The following PRMT7 variants were observed in gnomAD, a reference collection of about 807,000 sequenced individuals.
PRMT7 encodes protein arginine methyltransferase 7, also known as protein arginine N-methyltransferase 7.
A neutral mutation model predicts 85.4 loss-of-function variants in PRMT7; 75 were observed. That is an observed-to-expected ratio of 0.88 (90% CI 0.73 to 1.06). The LOEUF (loss-of-function observed/expected upper bound fraction) is 1.06, where lower values mean the gene tolerates loss of function less well. Among genes scored for constraint, PRMT7 ranks in the 50% least tolerant of loss-of-function variants. The pLI, the probability that PRMT7 is intolerant of heterozygous loss-of-function variation, is 0.00. For synonymous variants in PRMT7, 397 were observed against 359.5 expected, an observed-to-expected ratio of 1.10 and a Z score of -1.18; for missense variants, 868 against 915.2, an observed-to-expected ratio of 0.95 and a Z score of 0.67.
chr16:68,317,846 A>ATG (rs1435924599), intron 3 of PRMT7, among the ~76,000 whole-genome samples: 65 of 55,078 alleles, frequency 1.2e-3, no homozygotes, highest in Non-Finnish European at 1.8e-4. Context: ...AAAAAAAAAG[A>ATG]AAAAAAACCA....
At chr16:68,339,723 A>C in intron 8 of PRMT7, 65 bp from the exon 9 acceptor site, 2 of 1,578,914 alleles carry the variant, frequency 1.3e-6, no homozygotes, top group Non-Finnish European at 1.7e-6. Flanking sequence ...AAGTCACTGT[A>C]AAAGCTTAAA....
chr16:68,351,781 C>CA (rs2087406349), intron 14 of PRMT7: 1 of 154,332 alleles, frequency 6.5e-6, no homozygotes, highest in Non-Finnish European at 1.4e-5. Context: ...TTGTGGTGCT[C>CA]AGAGCCTGGG....
rs2085916935 is a variant in PRMT7 at position 68,343,882 on chromosome 16, T to C, written c.928-1793T>C. Among the ~76,000 whole-genome samples the C allele has an allele frequency of 2.0e-5, 3 of 152,344 alleles. No homozygotes were observed. In the South Asian group the frequency reaches 6.2e-4, roughly 32 times the overall value. On this transcript the variant is annotated intron_variant, in intron 9 of 18. Coordinates refer to ENST00000441236, the MANE Select transcript of PRMT7 (RefSeq NM_019023.5). ...TGGGCACATTCCTTACCTGTGCTCT[T>C]GGAGTCCCACAGGGCCAAGTTTTTC...
At chr16:68,313,125 T>C (rs1394186552) in intron 2 of PRMT7, among the ~76,000 whole-genome samples, 1 of 152,186 alleles carries the variant, frequency 6.6e-6, no homozygotes, top group Non-Finnish European at 1.5e-5. Context: ...GTGCCTGGGC[T>C]GTTCCAGGTT....
chr16:68,358,709 G>A (rs1011571564), downstream of PRMT7: 10 of 152,576 alleles, frequency 6.6e-5, no homozygotes, highest in Admixed American at 2.0e-4. Context: ...CCCGCGCCTT[G>A]TGGCTTCCTT....
At chr16:68,342,129 T>C (rs909822528) in intron 9 of PRMT7, among the ~76,000 whole-genome samples, 1 of 151,962 alleles carries the variant, frequency 6.6e-6, no homozygotes, top group Non-Finnish European at 1.5e-5. Flanking sequence ...AATACAAAAA[T>C]TACCCGGATG....
At chr16:68,344,502 C>T (rs144865000) in intron 9 of PRMT7, among the ~76,000 whole-genome samples, 3 of 152,266 alleles carry the variant, frequency 2.0e-5, no homozygotes, top group Non-Finnish European at 2.9e-5. Context: ...GTATTCTGCA[C>T]GAGGGTTTAT....
At chr16:68,317,497 G>A (rs1008941301) in intron 3 of PRMT7, among the ~76,000 whole-genome samples, 4 of 152,038 alleles carry the variant, frequency 2.6e-5, no homozygotes, top group African/African-American at 9.7e-5. Context: ...ATGCCCACGA[G>A]TTCAACATAG....
At position 68,316,005 on chromosome 16, in the gene PRMT7, A is replaced by G. The variant is rs781733373; in HGVS notation, c.26A>G (p.Asn9Ser). 58 of 1,613,628 alleles carry G rather than the reference A, an allele frequency of 3.6e-5. No homozygotes were observed. The highest frequency in any genetic ancestry group is 4.2e-5 in the Non-Finnish European group (50 of 1,179,978). ...ATGAAGATCTTCTGCAGTCGGGCCAATCCGACCACGGGGTCTGTGGAGTGG... is the reference window on the plus strand; with the variant it reads ...ATGAAGATCTTCTGCAGTCGGGCCAGTCCGACCACGGGGTCTGTGGAGTGG... MKIFCSRA[N>S]PTTGSVEWLE... The change falls in exon 3 of 19, where the codon AAT (asparagine) becomes AGT (serine). Residue 9 changes from asparagine to serine, a missense_variant. Coordinates refer to ENST00000441236, the MANE Select transcript of PRMT7 (RefSeq NM_019023.5).
chr16:68,312,223 ATATATATTT>A (rs1380181503), intron 2 of PRMT7, 47 bp downstream of exon 2: 1 of 39,898 alleles, frequency 2.5e-5, no homozygotes, highest in African/African-American at 6.7e-5. Context: ...ATATATATAT[ATATATATTT>A]TTTTTTTTAA....
In PRMT7 at chr16:68,331,721, AC is replaced by A. The variant is rs375715039; in HGVS notation, c.391+2549del. Among the ~76,000 whole-genome samples the A allele has an allele frequency of 1.6e-3, 246 of 151,882 alleles. 4 individuals are homozygous for A. Among genetic ancestry groups the A allele is most frequent in the African/African-American group, 5.6e-3 (234 of 41,416 alleles). On this transcript the variant is annotated intron_variant, in intron 6 of 18. Transcript: ENST00000441236. ...ACTCCTGGGCTCAAGCGATTCTCCC[AC>A]CTCAGCATCCCAAAGTCCTAGGATT...
At position 68,348,447 on chromosome 16, in the gene PRMT7, C is replaced by T; in HGVS notation, c.1413+16C>T. On this transcript the variant is annotated intron_variant, in intron 14 of 18. Transcript: ENST00000441236. Reference sequence around the variant, plus strand: ...GGGCAGAAAGGTGAGTAGCGGGAGCCTTTTGGCCACGCTGGGCTGTGTTAG... The same window carrying T: ...GGGCAGAAAGGTGAGTAGCGGGAGCTTTTTGGCCACGCTGGGCTGTGTTAG... 6.3e-7 allele frequency: 1 copy of T among 1,587,964 alleles called. No homozygotes were observed. Among genetic ancestry groups the T allele is most frequent in the Non-Finnish European group, 8.6e-7 (1 of 1,156,560 alleles).
Position 68,339,935 on chromosome 16 carries a change from C to T in PRMT7, c.894C>T (p.Pro298=). 1 of 1,613,994 alleles carries T rather than the reference C, an allele frequency of 6.2e-7. No homozygotes were observed. The highest frequency in any genetic ancestry group is 2.2e-5 in the East Asian group (1 of 44,882). ...GGAAGATCAAGTGCACCATGGCCCC[C>T]TTCTGGGCACACTCAGACCCAGAGG... The part of the protein sequence containing the change: ...PEGKIKCTMA[P]FWAHSDPEEM... The change falls in exon 9 of 19, where the codon CCC becomes CCT. Residue 298 remains proline, a synonymous_variant. Coordinates refer to ENST00000441236, the MANE Select transcript of PRMT7 (RefSeq NM_019023.5).
At chr16:68,360,428 C>G (rs2089187307), downstream of PRMT7, 1 of 152,304 alleles carries the variant, frequency 6.6e-6, no homozygotes, top group Admixed American at 6.5e-5. Context: ...GGAGGAGGCC[C>G]AGGGTGCCAG....
intron 5 of PRMT7, chr16:68,328,535 G>A (rs1031406997): frequency 6.2e-5 from 9 of 146,206 alleles, no homozygotes; most frequent in African/African-American, 2.1e-4. Context: ...AAAAAAAAAT[G>A]GTATACATAA....
chr16:68,347,776 G>T, intron 13 of PRMT7, 98 bp downstream of exon 13: 1 of 1,154,800 alleles, frequency 8.7e-7, no homozygotes, highest in South Asian at 1.3e-5. Flanking sequence ...CAAAGGAGTG[G>T]TGGCTCGCTT....
In PRMT7 at chr16:68,348,631, C is replaced by CTTTT. The variant is rs56041186; in HGVS notation, c.1413+225_1413+228dup. On this transcript the variant is annotated intron_variant, in intron 14 of 18. Coordinates refer to ENST00000441236, the MANE Select transcript of PRMT7 (RefSeq NM_019023.5). Reference sequence around the variant, plus strand: ...CCGGTGAGCAGATGGTTGCACTGCTCTTTTTTTTTTTTTTTTTTTTTTTTT... The same window carrying CTTTT: ...CCGGTGAGCAGATGGTTGCACTGCTCTTTTTTTTTTTTTTTTTTTTTTTTTTTTT... 2.2e-4 allele frequency among the ~76,000 whole-genome samples: 15 copies of CTTTT among 67,644 alleles called. 1 individual carries two copies. Among genetic ancestry groups the CTTTT allele is most frequent in the African/African-American group, 7.8e-4 (12 of 15,458 alleles). 44.4% of individuals were successfully genotyped at this position (67,644 alleles called of 152,430 possible).
chr16:68,314,429 G>T (rs530025766), intron 2 of PRMT7, among the ~76,000 whole-genome samples: 2 of 152,110 alleles, frequency 1.3e-5, no homozygotes, highest in Admixed American at 1.3e-4. Flanking sequence ...CGAGGGTTTC[G>T]CCATGTTGGC....
At chr16:68,316,130 A>G (rs1348970354) in intron 3 of PRMT7, 56 bp downstream of exon 3, 5 of 1,461,030 alleles carry the variant, frequency 3.4e-6, no homozygotes, top group Non-Finnish European at 4.8e-6. Context: ...ATCTCAAAGC[A>G]GATGCCTTGG....
Sources: gnomAD v4.1 joint callset for allele counts (sites outside exome capture counted in the v4.1 genomes callset) on GRCh38, gnomAD v4.1.1 for gene constraint, MANE v1.5 for transcripts, NCBI Gene and HGNC (gene_info 2026-07-23, HGNC 2026-07-21) for gene names.